The following OTUD7A variants were observed in gnomAD, a reference collection of about 807,000 sequenced individuals.
OTUD7A encodes OTU domain-containing protein 7A.
A neutral mutation model predicts 65.7 loss-of-function variants in OTUD7A; 12 were observed. That is an observed-to-expected ratio of 0.18 (90% CI 0.12 to 0.30). The LOEUF is 0.30. Ranked by LOEUF, OTUD7A falls within the 10% of genes least tolerant of loss-of-function variation. The pLI is 1.00. For missense variants in OTUD7A, 1,148 were observed against 1,304.8 expected (o/e 0.88, Z 1.85); for synonymous variants, 641 against 586.3 (o/e 1.09, Z -1.35).
chr15:31,824,332 C>T (rs760672151), intron 1 of OTUD7A, among the ~76,000 whole-genome samples: 15 of 152,192 alleles, frequency 9.9e-5, no homozygotes, highest in Admixed American at 2.0e-4. Flanking sequence ...CAACACCTGC[C>T]GCTTTGCAAG....
intron 10 of OTUD7A, among the ~76,000 whole-genome samples, chr15:31,494,870 G>A (rs1227712115): frequency 6.6e-6 from 1 of 152,226 alleles, no homozygotes; most frequent in East Asian, 1.9e-4. Context: ...TTTTGTTGGA[G>A]CACATGTTCT....
At chr15:31,627,419 C>G (rs189943256) in intron 3 of OTUD7A, among the ~76,000 whole-genome samples, 1 of 152,006 alleles carries the variant, frequency 6.6e-6, no homozygotes, top group Non-Finnish European at 1.5e-5. Context: ...AGGACATGAA[C>G]TCACCATTTT....
intron 1 of OTUD7A, among the ~76,000 whole-genome samples, chr15:31,851,235 G>A (rs919729740): frequency 6.6e-6 from 1 of 152,192 alleles, no homozygotes; most frequent in African/African-American, 2.4e-5. Flanking sequence ...GAAGTGGAAG[G>A]ATGCATTGAG....
Position 31,484,862 on chromosome 15 carries a change from TG to T in OTUD7A, c.1372-139del. On this transcript the variant is annotated intron_variant, in intron 12 of 12. Coordinates refer to ENST00000307050, the MANE Select transcript of OTUD7A (RefSeq NM_001382637.1). This position sits in a 1 kb window ranked among gnomAD's most constrained non-coding sequence, Gnocchi z 4.5. ...ACTGTCCCAGTCCCCACTGTCGCTC[TG>T]GTGACTGTGACATCCGGATGGGCGG... 7.0e-7 allele frequency: 1 copy of T among 1,423,164 alleles called. No individual in the cohort carries two copies. The highest frequency in any genetic ancestry group is 9.3e-7 in the Non-Finnish European group (1 of 1,080,612). The allele number at this position is 1,423,164 out of a possible 1,614,324, so 88.2% of individuals were successfully genotyped here. A position where few individuals can be genotyped will look rare whatever the true frequency, so the allele number is the denominator to read the frequency against.
chr15:31,720,545 C>G (rs1022503063), intron 1 of OTUD7A, among the ~76,000 whole-genome samples: 75 of 151,868 alleles, frequency 4.9e-4, no homozygotes, highest in African/African-American at 1.7e-3. Context: ...GGACTACAGG[C>G]GCCCGCCACC....
intron 3 of OTUD7A, among the ~76,000 whole-genome samples, chr15:31,584,831 G>A (rs1049723969): frequency 2.0e-5 from 3 of 152,206 alleles, no homozygotes; most frequent in African/African-American, 7.2e-5. Context: ...ATGATGGCCT[G>A]CCTATTTCTC....
chr15:31,479,240 A>T lies in OTUD7A; in HGVS notation c.*4054T>A, dbSNP rs1230081591. 1.3e-5 allele frequency: 2 copies of T among 152,396 alleles called. No homozygotes were observed. The highest frequency in any genetic ancestry group is 3.4e-3 in the Middle Eastern group (1 of 296). The allele number at this position is 152,396 out of a possible 1,614,324, so 9.4% of individuals were successfully genotyped here. Reference sequence around the variant, plus strand: ...CAACTAGAGCAGGGGCCGCCTCTGCAGCCCAGCGAGGATGAAGCCAGGGCT... The same window carrying T: ...CAACTAGAGCAGGGGCCGCCTCTGCTGCCCAGCGAGGATGAAGCCAGGGCT... On this transcript the variant is annotated 3_prime_UTR_variant, in exon 13 of 13. Transcript: ENST00000307050.
chr15:31,510,304 C>A (rs1394255155), intron 8 of OTUD7A, among the ~76,000 whole-genome samples: 1 of 151,820 alleles, frequency 6.6e-6, no homozygotes, highest in East Asian at 1.9e-4. Flanking sequence ...CTCTTTTTCA[C>A]ACAGAGCTCG....
intron 1 of OTUD7A, among the ~76,000 whole-genome samples, chr15:31,845,603 C>A (rs1311657147): frequency 4.6e-5 from 7 of 152,234 alleles, no homozygotes; most frequent in African/African-American, 1.7e-4. Flanking sequence ...CAGCCCCCAA[C>A]CAGCATGTTG....
intron 1 of OTUD7A, among the ~76,000 whole-genome samples, chr15:31,796,209 T>C: frequency 7.0e-6 from 1 of 143,700 alleles, no homozygotes; most frequent in African/African-American, 2.9e-5. Context: ...TCTATCTATC[T>C]ATCTATCTAT....
At chr15:31,804,433 G>T (rs1471095228) in intron 1 of OTUD7A, among the ~76,000 whole-genome samples, 2 of 152,066 alleles carry the variant, frequency 1.3e-5, no homozygotes, top group Non-Finnish European at 2.9e-5. Flanking sequence ...TTCAGGGCTG[G>T]CTCCCTCCTC....
intron 10 of OTUD7A, among the ~76,000 whole-genome samples, chr15:31,490,963 G>A (rs2041310135): frequency 6.6e-6 from 1 of 152,122 alleles, no homozygotes; most frequent in South Asian, 2.1e-4. Flanking sequence ...GACCTTCCTG[G>A]GCTATCATAA....
intron 3 of OTUD7A, among the ~76,000 whole-genome samples, chr15:31,619,822 G>C (rs979409855): frequency 2.0e-5 from 3 of 152,208 alleles, no homozygotes; most frequent in Non-Finnish European, 4.4e-5. Context: ...GGAATGGTGA[G>C]AGAGGGCATC....
chr15:31,860,697 A>ATATATATATATATATATATATATATG (rs1417556267), intron 1 of OTUD7A, among the ~76,000 whole-genome samples: 11 of 129,754 alleles, frequency 8.5e-5, no homozygotes, highest in African/African-American at 2.3e-4. Flanking sequence ...ATATATATAT[A>ATATATATATATATATATATATATATG]TATGTATGTA....
chr15:31,563,947 T>C (rs938901698), intron 4 of OTUD7A, among the ~76,000 whole-genome samples: 8 of 152,254 alleles, frequency 5.3e-5, no homozygotes, highest in East Asian at 3.9e-4. Context: ...GATAACTGCG[T>C]GCCCCAGGAG....
At chr15:31,678,527 C>T (rs1595703633) in intron 1 of OTUD7A, among the ~76,000 whole-genome samples, 1 of 152,312 alleles carries the variant, frequency 6.6e-6, no homozygotes, top group Non-Finnish European at 1.5e-5. Flanking sequence ...TGTGCAGTCT[C>T]AGGACTTGGT....
intron 1 of OTUD7A, among the ~76,000 whole-genome samples, chr15:31,808,130 C>CAA (rs1595783664): frequency 1.8e-5 from 2 of 109,738 alleles, no homozygotes; most frequent in East Asian, 2.7e-4. Context: ...CACACACACA[C>CAA]ACACACAAAC....
intron 1 of OTUD7A, among the ~76,000 whole-genome samples, chr15:31,725,804 C>T (rs1893867365): frequency 6.6e-6 from 1 of 152,186 alleles, no homozygotes; most frequent in African/African-American, 2.4e-5. Context: ...AGCCTGGTGA[C>T]CTCCTGATGG....
chr15:31,533,044 AC>A (rs1362579761), intron 5 of OTUD7A, among the ~76,000 whole-genome samples: 1 of 151,814 alleles, frequency 6.6e-6, no homozygotes, highest in Non-Finnish European at 1.5e-5. Flanking sequence ...AGCTGAGCAA[AC>A]CCTAAACAGA....
Sources: allele counts gnomAD v4.1 joint callset (sites outside exome capture counted in the v4.1 genomes callset), GRCh38; gene constraint gnomAD v4.1.1; non-coding constraint Gnocchi (gnomAD v3.1); transcripts MANE v1.5; gene names NCBI Gene and HGNC (gene_info 2026-07-23, HGNC 2026-07-21).